The following PCDHGA2 variants were observed in gnomAD, a reference collection of about 807,000 sequenced individuals.
PCDHGA2 encodes protocadherin gamma subfamily A, 2, also known as protocadherin gamma-A2.
A neutral mutation model predicts 59.2 loss-of-function variants in PCDHGA2; 40 were observed. The ratio of observed to expected loss-of-function variants is 0.68; its 90% CI spans 0.52 to 0.88. The LOEUF is 0.88. Among genes scored for constraint, PCDHGA2 ranks in the 40% least tolerant of loss-of-function variants. The pLI, the probability that PCDHGA2 is intolerant of heterozygous loss-of-function variation, is 0.00. For synonymous variants in PCDHGA2, 560 were observed against 526.0 expected (o/e 1.06, Z -0.89); for missense variants, 1,226 against 1,204.0 (o/e 1.02, Z -0.27).
intron 3 of PCDHGA2, among the ~76,000 whole-genome samples, chr5:141,509,880 T>C (rs1475661741): frequency 6.6e-6 from 1 of 152,184 alleles, no homozygotes; most frequent in African/African-American, 2.4e-5. Flanking sequence ...CTGGTGGTGA[T>C]GGTGACTGAC....
chr5:141,413,442 C>T, intron 1 of PCDHGA2: 5 of 1,614,090 alleles, frequency 3.1e-6, no homozygotes, highest in Non-Finnish European at 8.5e-7. Flanking sequence ...GCAGCTTGAT[C>T]ACCGCGGGCA....
chr5:141,393,399 C>G, intron 1 of PCDHGA2: 1 of 1,614,028 alleles, frequency 6.2e-7, no homozygotes, highest in Non-Finnish European at 8.5e-7. Flanking sequence ...AGAGCTGGTG[C>G]TGGAGCGCGC....
chr5:141,341,632 C>A (rs1757074117), intron 1 of PCDHGA2: 2 of 796,064 alleles, frequency 2.5e-6, no homozygotes, highest in Non-Finnish European at 3.9e-6. Flanking sequence ...ATAAGATTAT[C>A]CAAAGAGCAC....
intron 1 of PCDHGA2, chr5:141,362,058 C>G: frequency 6.2e-7 from 1 of 1,612,152 alleles, no homozygotes. Context: ...CCCGCCAGCG[C>G]CTGCTGGTCG....
chr5:141,352,088 C>T lies in PCDHGA2; in HGVS notation c.2424+10693C>T, dbSNP rs1041133443. 6.2e-7 allele frequency: 1 copy of T among 1,605,026 alleles called. No individual in the cohort carries two copies. The highest frequency in any genetic ancestry group is 1.3e-5 in the African/African-American group (1 of 74,762). Reference sequence around the variant, plus strand: ...CTACCACGTGCTGCAGGCCAGCGAGCCCGGGCTCTTCAGCCTGGGGTTGCG... The same window carrying T: ...CTACCACGTGCTGCAGGCCAGCGAGTCCGGGCTCTTCAGCCTGGGGTTGCG... On this transcript the variant is annotated intron_variant, in intron 1 of 3. Transcript: ENST00000394576.
Position 141,489,898 on chromosome 5 carries a change from C to T in PCDHGA2, c.2425-4909C>T. On this transcript the variant is annotated intron_variant, in intron 1 of 3. Transcript: ENST00000394576. The surrounding 1 kb of genome is among the most constrained non-coding windows in gnomAD (Gnocchi z 4.5). ...GCTTACTGCTGTGGATGGGGGGACC[C>T]CAGCCCGCTCAGGGACCACCCTTAT... 6.2e-7 allele frequency: 1 copy of T among 1,614,216 alleles called. No homozygotes were observed. Among genetic ancestry groups the T allele is most frequent in the Non-Finnish European group, 8.5e-7 (1 of 1,180,036 alleles).
At chr5:141,376,059 C>T (rs761483041) in intron 1 of PCDHGA2, 2 of 1,613,398 alleles carry the variant, frequency 1.2e-6, no homozygotes, top group South Asian at 1.1e-5. Flanking sequence ...GCCACTGTCA[C>T]GCTCACCGTG....
chr5:141,394,524 G>T lies in PCDHGA2; in HGVS notation c.2424+53129G>T, dbSNP rs977174958. 13 of 1,614,214 alleles carry T rather than the reference G, an allele frequency of 8.1e-6. No homozygotes were observed. ...CCTGTACCCCGCCCTCCCCACAGAC[G>T]GTTCCACTGGCGTGGAGCTGGCGCC... On this transcript the variant is annotated intron_variant, in intron 1 of 3. Coordinates refer to ENST00000394576, the MANE Select transcript of PCDHGA2 (RefSeq NM_018915.4).
At chr5:141,384,645 A>G in intron 1 of PCDHGA2, 1 of 1,614,218 alleles carries the variant, frequency 6.2e-7, no homozygotes, top group Non-Finnish European at 8.5e-7. Flanking sequence ...CCCGCTCCGC[A>G]GAGCCCGGCT....
chr5:141,374,504 A>G (rs370470847), intron 1 of PCDHGA2: 1 of 1,611,510 alleles, frequency 6.2e-7, no homozygotes, highest in African/African-American at 1.3e-5. Context: ...ATTGGAAGTG[A>G]AAATTCTCGA....
At chr5:141,398,421 G>A in intron 1 of PCDHGA2, 2 of 1,510,606 alleles carry the variant, frequency 1.3e-6, no homozygotes, top group Non-Finnish European at 1.8e-6. Context: ...TATGCGGGAA[G>A]AAGCCAGCTT....
Position 141,340,562 on chromosome 5 carries a change from T to C in PCDHGA2, c.1591T>C (p.Trp531Arg), listed in dbSNP as rs1756958309. ...TGAGCAGTTGCGAGACTTGCAAGTG[T>C]GGGTGATAGCGCGGGACAGCGGGAA... Reference protein sequence around the residue: ...DYEQLRDLQVWVIARDSGNPP... With the variant: ...DYEQLRDLQVRVIARDSGNPP... The change falls in exon 1 of 4, where the codon TGG becomes CGG. Residue 531 changes from tryptophan (W) to arginine (R), a missense_variant. Coordinates refer to ENST00000394576, the MANE Select transcript of PCDHGA2 (RefSeq NM_018915.4). The C allele has an allele frequency of 1.2e-6, 2 of 1,614,198 alleles. No homozygotes were observed. The highest frequency in any genetic ancestry group is 2.7e-5 in the African/African-American group (2 of 75,056).
At chr5:141,442,205 A>G (rs2098308049) in intron 1 of PCDHGA2, 1 of 153,214 alleles carries the variant, frequency 6.5e-6, no homozygotes, top group Admixed American at 6.5e-5. Context: ...ATATCTGGTG[A>G]TTGCCTTAGC....
At chr5:141,419,279 G>C in intron 1 of PCDHGA2, 1 of 1,614,042 alleles carries the variant, frequency 6.2e-7, no homozygotes, top group South Asian at 1.1e-5. Flanking sequence ...CATAGCGCAA[G>C]TCAGTGCCTC....
At chr5:141,389,089 T>G in intron 1 of PCDHGA2, 1 of 1,613,978 alleles carries the variant, frequency 6.2e-7, no homozygotes, top group East Asian at 2.2e-5. Flanking sequence ...ACGTATAAAT[T>G]AGTGACAGAT....
At chr5:141,478,189 C>T (rs774322691) in intron 1 of PCDHGA2, 1 of 1,614,020 alleles carries the variant, frequency 6.2e-7, no homozygotes, top group South Asian at 1.1e-5. Context: ...AAAATCTCAC[C>T]TTTTATCTAC....
At chr5:141,479,273 T>G (rs1723290487) in intron 1 of PCDHGA2, 1 of 152,386 alleles carries the variant, frequency 6.6e-6, no homozygotes, top group South Asian at 2.1e-4. Context: ...AGTAATAATT[T>G]ATTTCAAAAA....
At chr5:141,365,174 C>T (rs748996894) in intron 1 of PCDHGA2, 28 of 1,613,760 alleles carry the variant, frequency 1.7e-5, no homozygotes, top group Non-Finnish European at 2.1e-5. Flanking sequence ...CTACTCTTTT[C>T]GCAATGAAGA....
rs779391932 is a variant in PCDHGA2, at chr5:141,419,996, C to T, written c.2425-74811C>T. Reference sequence around the variant, plus strand: ...CCTCGCGGTGATTCTAGCTATTGCTCTACGCCTGCGACAGTCTTTCAGCCC... The same window carrying T: ...CCTCGCGGTGATTCTAGCTATTGCTTTACGCCTGCGACAGTCTTTCAGCCC... On this transcript the variant is annotated intron_variant, in intron 1 of 3. Coordinates refer to ENST00000394576, the MANE Select transcript of PCDHGA2 (RefSeq NM_018915.4). 10 of 1,613,966 alleles carry T rather than the reference C, an allele frequency of 6.2e-6. No homozygotes were observed. In the East Asian group the frequency reaches 2.2e-4, roughly 36 times the overall value.
Sources: allele counts gnomAD v4.1 joint callset (sites outside exome capture counted in the v4.1 genomes callset), GRCh38; gene constraint gnomAD v4.1.1; non-coding constraint Gnocchi (gnomAD v3.1); transcripts MANE v1.5; gene names NCBI Gene and HGNC (gene_info 2026-07-23, HGNC 2026-07-21).